ADGRB3: variants seen among roughly 807,000 people sequenced by gnomAD.
The protein encoded by ADGRB3 is adhesion G protein-coupled receptor B3.
In ADGRB3, 37 loss-of-function variants were observed where a neutral mutation model predicts 193.4. That is an observed-to-expected ratio of 0.19 (90% CI 0.15 to 0.25). ADGRB3 has a LOEUF of 0.25. Among genes scored for constraint, ADGRB3 ranks in the 10% least tolerant of loss-of-function variants. The pLI is 1.00. For synonymous variants in ADGRB3, 690 were observed against 644.2 expected, an observed-to-expected ratio of 1.07 and a Z score of -1.08; for missense variants, 1,637 against 1,852.9, an observed-to-expected ratio of 0.88 and a Z score of 2.14.
intron 3 of ADGRB3, among the ~76,000 whole-genome samples, chr6:68,846,152 A>T (rs911133866): frequency 2.4e-4 from 37 of 152,176 alleles, no homozygotes; most frequent in Non-Finnish European, 2.8e-4. Context: ...TGGAACTTTG[A>T]ACTTGAAAGA....
chr6:68,862,175 C>A (rs539273700), intron 3 of ADGRB3, among the ~76,000 whole-genome samples: 1 of 146,232 alleles, frequency 6.8e-6, no homozygotes, highest in African/African-American at 2.5e-5. Flanking sequence ...TCCTTATGGG[C>A]ATAAAGACTC....
At chr6:69,060,589 A>G (rs1771719674) in intron 15 of ADGRB3, among the ~76,000 whole-genome samples, 1 of 152,086 alleles carries the variant, frequency 6.6e-6, no homozygotes, top group Non-Finnish European at 1.5e-5. Flanking sequence ...TTTAATAATA[A>G]TTAAAATTGG....
intron 10 of ADGRB3, among the ~76,000 whole-genome samples, chr6:68,983,351 AC>A (rs1355585194): frequency 6.6e-6 from 1 of 151,438 alleles, no homozygotes; most frequent in African/African-American, 2.4e-5. Context: ...AGGCATTGAA[AC>A]TTTTTGAAGT....
intron 29 of ADGRB3, among the ~76,000 whole-genome samples, chr6:69,365,637 G>T (rs1769551706): frequency 1.3e-5 from 2 of 152,018 alleles, no homozygotes; most frequent in African/African-American, 4.8e-5. Context: ...CAAAATAGAA[G>T]ATTTTGTTGT....
chr6:68,870,136 C>T (rs1371013740), intron 3 of ADGRB3, among the ~76,000 whole-genome samples: 1 of 152,130 alleles, frequency 6.6e-6, no homozygotes, highest in East Asian at 1.9e-4. Context: ...TATAGTTAGC[C>T]ACATGATTTT....
At chr6:69,268,042 AT>A (rs1052805064) in intron 20 of ADGRB3, among the ~76,000 whole-genome samples, 8 of 152,096 alleles carry the variant, frequency 5.3e-5, no homozygotes, top group Non-Finnish European at 4.4e-5. Flanking sequence ...ATATTTATTA[AT>A]TTTGTGGAAA....
rs1216889148 is a variant in ADGRB3 at position 69,327,942 on chromosome 6, G to T, written c.3035+53G>T. The T allele has an allele frequency of 6.6e-6, 10 of 1,516,182 alleles. No homozygotes were observed. In the Middle Eastern group the frequency reaches 8.7e-4, roughly 132 times the overall value. The allele number at this position is 1,516,182 out of a possible 1,614,324, so 93.9% of individuals were successfully genotyped here. ...GTTTATAATTTAACAAATCATCAAAGAGTCTTGGTTGGCACTGCTGATGGC... is the reference window on the plus strand; with the variant it reads ...GTTTATAATTTAACAAATCATCAAATAGTCTTGGTTGGCACTGCTGATGGC... On this transcript the variant is annotated intron_variant, in intron 22 of 31. Coordinates refer to ENST00000370598, the MANE Select transcript of ADGRB3 (RefSeq NM_001704.3).
At chr6:69,203,132 A>G (rs1765466079) in intron 17 of ADGRB3, among the ~76,000 whole-genome samples, 1 of 152,104 alleles carries the variant, frequency 6.6e-6, no homozygotes, top group African/African-American at 2.4e-5. Context: ...ATTTGATTTG[A>G]AAAAAACAAA....
intron 3 of ADGRB3, among the ~76,000 whole-genome samples, chr6:68,883,407 G>T (rs150265206): frequency 6.6e-6 from 1 of 152,160 alleles, no homozygotes; most frequent in Non-Finnish European, 1.5e-5. Flanking sequence ...CACCAGCTGC[G>T]GCAATCAGGT....
Position 69,182,076 on chromosome 6 carries a change from A to T in ADGRB3, c.2481-51214A>T, listed in dbSNP as rs199861023. ...TTTGACTTGGAAATATGGCCAAAAA[A>T]ATCATTTATTTGGCAACAAAGACTG... On this transcript the variant is annotated intron_variant, in intron 17 of 31. Transcript: ENST00000370598. Among the ~76,000 whole-genome samples, 17 of 152,322 alleles carry T rather than the reference A, an allele frequency of 1.1e-4. No individual in the cohort carries two copies. In the East Asian group the frequency reaches 3.3e-3, roughly 29 times the overall value.
chr6:69,324,772 A>G, intron 20 of ADGRB3, 100 bp from the exon 21 acceptor site: 1 of 1,330,988 alleles, frequency 7.5e-7, no homozygotes. Flanking sequence ...AGATATTTGA[A>G]ATAAAAGCAA....
intron 11 of ADGRB3, among the ~76,000 whole-genome samples, chr6:69,011,553 G>A (rs986166601): frequency 1.3e-5 from 2 of 151,848 alleles, no homozygotes; most frequent in African/African-American, 4.8e-5. Context: ...CTAGGTGATG[G>A]AATCATTCAT....
chr6:69,014,787 G>A (rs1770040554), intron 12 of ADGRB3, among the ~76,000 whole-genome samples: 1 of 151,730 alleles, frequency 6.6e-6, no homozygotes. Flanking sequence ...TAGTTTAACT[G>A]GATGTCAAAC....
chr6:68,938,963 G>A (rs1238945019), intron 5 of ADGRB3, among the ~76,000 whole-genome samples: 1 of 152,156 alleles, frequency 6.6e-6, no homozygotes. Flanking sequence ...CCAAATGTGA[G>A]TCTGAGTGGA....
chr6:68,907,177 A>C (rs904065515), intron 3 of ADGRB3, among the ~76,000 whole-genome samples: 3 of 151,980 alleles, frequency 2.0e-5, no homozygotes, highest in Non-Finnish European at 4.4e-5. Flanking sequence ...TGCTGGTCTT[A>C]TACTTTGTTT....
chr6:69,373,816 G>A (rs527855358), intron 30 of ADGRB3, among the ~76,000 whole-genome samples: 5 of 151,974 alleles, frequency 3.3e-5, no homozygotes, highest in East Asian at 1.9e-4. Context: ...AGGCATCAGC[G>A]GCAAAATATA....
At chr6:68,812,096 A>C (rs1767523246) in intron 3 of ADGRB3, among the ~76,000 whole-genome samples, 1 of 152,158 alleles carries the variant, frequency 6.6e-6, no homozygotes, top group African/African-American at 2.4e-5. Context: ...GCATGAGTAA[A>C]AGCCTAAGTT....
Position 68,761,307 on chromosome 6 carries a change from T to TTG in ADGRB3, c.757+121876_757+121877insGT, listed in dbSNP as rs1156876931. On this transcript the variant is annotated intron_variant, in intron 3 of 31. Transcript: ENST00000370598. ...AAACAAGCACACTTGGATTTACATATTTATATAAATGACCTAAACTTCTTT... is the reference window on the plus strand; with the variant it reads ...AAACAAGCACACTTGGATTTACATATTGTTATATAAATGACCTAAACTTCTTT... Among the ~76,000 whole-genome samples, 261 of 144,980 alleles carry TTG rather than the reference T, an allele frequency of 1.8e-3. 4 individuals are homozygous for TTG. Among genetic ancestry groups the TTG allele is most frequent in the African/African-American group, 3.4e-3 (127 of 37,682 alleles).
intron 23 of ADGRB3, chr6:69,332,171 C>A (rs552432664): frequency 1.0e-6 from 1 of 985,282 alleles, no homozygotes; most frequent in South Asian, 4.7e-5. Context: ...TAAGCTGGTA[C>A]AAATAGACAT....
Sources: gnomAD v4.1 joint callset for allele counts (sites outside exome capture counted in the v4.1 genomes callset) on GRCh38, gnomAD v4.1.1 for gene constraint, MANE v1.5 for transcripts, NCBI Gene and HGNC (gene_info 2026-07-23, HGNC 2026-07-21) for gene names.